Variants in DOCK11 observed in about 807,000 individuals in gnomAD.
DOCK11 encodes the protein dedicator of cytokinesis protein 11.
A neutral mutation model predicts 169.1 loss-of-function variants in DOCK11; 70 were observed. That is an observed-to-expected ratio of 0.41 (90% CI 0.34 to 0.51). The LOEUF is 0.51. DOCK11 is among the 20% of genes least tolerant of loss of function. The pLI is 0.10. For synonymous variants in DOCK11, 529 were observed against 541.3 expected, an observed-to-expected ratio of 0.98 and a Z score of 0.32; for missense variants, 1,166 against 1,538.8, an observed-to-expected ratio of 0.76 and a Z score of 4.05.
Position 118,573,967 on chromosome X carries a change from C to G in DOCK11, c.1338C>G (p.Pro446=), listed in dbSNP as rs369445411. 2 of 1,211,731 alleles carry G rather than the reference C, an allele frequency of 1.7e-6. No individual in the cohort carries two copies. The highest frequency in any genetic ancestry group is 5.9e-5 in the East Asian group (2 of 33,852). Residue 446 remains proline, a synonymous_variant, in exon 12 of 53, where the codon CCC becomes CCG. Coordinates refer to ENST00000276202, the MANE Select transcript of DOCK11 (RefSeq NM_144658.4). ...ASDGSPKGSS[P]ESYIHGIAES... The stretch of plus-strand genomic sequence containing the variant: ...ACGGTAGCCCAAAGGGCTCTTCACC[C>G]GAATCTTACATTCATGGAATTGCCG...
At chrX:118,560,297 C>T (rs367992181) in intron 6 of DOCK11, among the ~76,000 whole-genome samples, 1 of 111,378 alleles carries the variant, frequency 9.0e-6, no homozygotes, top group African/African-American at 3.3e-5. Context: ...TTGGCAAGAA[C>T]GATCTTGCCA....
chrX:118,641,157 T>C, intron 38 of DOCK11, 33 bp from the exon 39 acceptor site: 1 of 1,054,077 alleles, frequency 9.5e-7, no homozygotes, highest in East Asian at 3.0e-5. Context: ...ATCTTCGTGT[T>C]GGGAAAAGTT....
rs189194243 is a variant in DOCK11, at chrX:118,632,087, T to C, written c.3886+1597T>C. ...CTCCTGTTTCAGCCTCCCGAGTAGC[T>C]GGGACTACAGGCGCCCGCCACCACG... On this transcript the variant is annotated intron_variant, in intron 35 of 52. Coordinates refer to ENST00000276202, the MANE Select transcript of DOCK11 (RefSeq NM_144658.4). 5.7e-4 allele frequency among the ~76,000 whole-genome samples: 63 copies of C among 111,233 alleles called. No individual in the cohort carries two copies. In the Admixed American group the frequency reaches 6.0e-3, roughly 11 times the overall value.
At chrX:118,585,402 A>T in intron 16 of DOCK11, among the ~76,000 whole-genome samples, 1 of 106,826 alleles carries the variant, frequency 9.4e-6, no homozygotes, top group Middle Eastern at 4.7e-3. Context: ...CTCCCAGCTA[A>T]CCTTGGCATC....
chrX:118,501,955 A>G (rs1179957794), intron 1 of DOCK11, among the ~76,000 whole-genome samples: 2 of 111,771 alleles, frequency 1.8e-5, no homozygotes, highest in Admixed American at 9.5e-5. Flanking sequence ...ACAGTTTTTC[A>G]TGTTGATTGG....
chrX:118,615,950 G>A (rs1020676621), intron 30 of DOCK11, among the ~76,000 whole-genome samples: 1 of 111,863 alleles, frequency 8.9e-6, no homozygotes, highest in Non-Finnish European at 1.9e-5. Flanking sequence ...TCAGATACTA[G>A]TGAAATTACT....
chrX:118,655,388 C>T (rs1195343927), intron 44 of DOCK11, among the ~76,000 whole-genome samples: 1 of 111,625 alleles, frequency 9.0e-6, no homozygotes, highest in African/African-American at 3.3e-5. Context: ...ACTGTCCCTC[C>T]CTGGAAGACT....
At chrX:118,496,113 C>A in intron 1 of DOCK11, 40 bp downstream of exon 1, 1 of 921,998 alleles carries the variant, frequency 1.1e-6, no homozygotes, top group South Asian at 4.1e-5. Flanking sequence ...GGGACGCGCT[C>A]CAGGCGGGAG....
Position 118,549,106 on chromosome X carries a change from C to CTGTGTGTGTGTGTG in DOCK11, c.558+3001_558+3014dup, listed in dbSNP as rs57680469. 5.8e-3 allele frequency among the ~76,000 whole-genome samples: 572 copies of CTGTGTGTGTGTGTG among 99,100 alleles called. 3 individuals are homozygous for CTGTGTGTGTGTGTG. The highest frequency in any genetic ancestry group is 0.016 in the Middle Eastern group (3 of 188). The allele number at this position is 99,100 out of a possible 115,157, so 86.1% of individuals were successfully genotyped here. ...CTTTTTATCCTCAGCTGCTCATATT[C>CTGTGTGTGTGTGTG]TGTGTGTGTGTGTGTGTGTGTGTGA... On this transcript the variant is annotated intron_variant, in intron 6 of 52. Transcript: ENST00000276202.
At chrX:118,617,584 T>C (rs1344851741) in intron 30 of DOCK11, among the ~76,000 whole-genome samples, 1 of 98,767 alleles carries the variant, frequency 1.0e-5, no homozygotes, top group East Asian at 3.2e-4. Flanking sequence ...GGATTTAAAA[T>C]AGACTGAGGA....
chrX:118,685,878 A>T lies in DOCK11; in HGVS notation c.*71A>T. ...TATTTGGAGCTGTGCAAATGTTAAAATTTAAAGATTTGATATACATGGAGT... is the reference window on the plus strand; with the variant it reads ...TATTTGGAGCTGTGCAAATGTTAAATTTTAAAGATTTGATATACATGGAGT... On this transcript the variant is annotated 3_prime_UTR_variant, in exon 53 of 53. Coordinates refer to ENST00000276202, the MANE Select transcript of DOCK11 (RefSeq NM_144658.4). 8.7e-7 allele frequency: 1 copy of T among 1,148,930 alleles called. No individual in the cohort carries two copies. Among genetic ancestry groups the T allele is most frequent in the Non-Finnish European group, 1.2e-6 (1 of 858,446 alleles). The allele number at this position is 1,148,930 out of a possible 1,213,427, so 94.7% of individuals were successfully genotyped here.
At chrX:118,655,048 T>C (rs1454031716) in intron 44 of DOCK11, 87 bp downstream of exon 44, 30 of 873,080 alleles carry the variant, frequency 3.4e-5, no homozygotes, top group Non-Finnish European at 4.9e-5. Flanking sequence ...GAATATGATA[T>C]AATAGAACAC....
chrX:118,671,225 C>T (rs1275542570), intron 46 of DOCK11, 80 bp downstream of exon 46: 1 of 916,077 alleles, frequency 1.1e-6, no homozygotes, highest in Non-Finnish European at 1.5e-6. Flanking sequence ...AGTTCTGTCA[C>T]TATTATTCGA....
chrX:118,653,595 A>G (rs1443254028), intron 42 of DOCK11, among the ~76,000 whole-genome samples: 1 of 110,299 alleles, frequency 9.1e-6, no homozygotes, highest in Non-Finnish European at 1.9e-5. Context: ...TATATTTTTA[A>G]TAGAAATGGG....
At chrX:118,635,671 T>C (rs1050298465) in intron 35 of DOCK11, among the ~76,000 whole-genome samples, 1 of 111,845 alleles carries the variant, frequency 8.9e-6, no homozygotes, top group Non-Finnish European at 1.9e-5. Flanking sequence ...CACTGCAACC[T>C]CCACCTCCCA....
At chrX:118,558,042 T>C (rs2012775795) in intron 6 of DOCK11, among the ~76,000 whole-genome samples, 1 of 100,971 alleles carries the variant, frequency 9.9e-6, no homozygotes, top group African/African-American at 3.6e-5. Context: ...TGGTGTGATC[T>C]CGGCTCACTG....
At chrX:118,595,135 A>T (rs2147433511) in intron 20 of DOCK11, among the ~76,000 whole-genome samples, 1 of 111,324 alleles carries the variant, frequency 9.0e-6, no homozygotes, top group East Asian at 2.8e-4. Context: ...CAGCAGTATA[A>T]TGGGCAAGGC....
At chrX:118,513,487 C>T (rs139003451) in intron 1 of DOCK11, among the ~76,000 whole-genome samples, 2,276 of 112,018 alleles carry the variant, frequency 0.02, 65 homozygotes, top group African/African-American at 0.07. Flanking sequence ...TGGTGGCACA[C>T]GCCTGTGGTT....
chrX:118,591,959 A>G (rs1163145043), intron 19 of DOCK11, among the ~76,000 whole-genome samples: 2 of 106,848 alleles, frequency 1.9e-5, no homozygotes, highest in Admixed American at 2.0e-4. Context: ...AAAGGACATG[A>G]GCTCATCATT....
Sources: allele counts gnomAD v4.1 joint callset (sites outside exome capture counted in the v4.1 genomes callset), GRCh38; gene constraint gnomAD v4.1.1; transcripts MANE v1.5; gene names NCBI Gene and HGNC (gene_info 2026-07-23, HGNC 2026-07-21).